The following RFTN2 variants were observed in gnomAD, a reference collection of about 807,000 sequenced individuals.
RFTN2 encodes the protein raftlin-2.
RFTN2 carries 34 observed loss-of-function variants against 52.7 expected under a neutral mutation model. That is an observed-to-expected ratio of 0.64 (90% CI 0.49 to 0.86). RFTN2 has a LOEUF of 0.86. Ranked by LOEUF, RFTN2 falls within the 40% of genes least tolerant of loss-of-function variation. The pLI is 0.00. For missense variants in RFTN2, 536 were observed against 600.1 expected (o/e 0.89, Z 1.12); for synonymous variants, 203 against 217.7 (o/e 0.93, Z 0.59).
intron 7 of RFTN2, 120 bp downstream of exon 7, chr2:197,615,756 C>G: frequency 1.6e-6 from 1 of 608,636 alleles, no homozygotes; most frequent in Non-Finnish European, 2.9e-6. Context: ...AAATCAAATT[C>G]GAAGCTCAGT....
In RFTN2 at chr2:197,659,767, A is replaced by G. The variant is rs374865726; in HGVS notation, c.140-13101T>C. On this transcript the variant is annotated intron_variant, in intron 1 of 8. Transcript: ENST00000295049. ...GGGAGGCAGAGGCTGCAGTGAGCTG[A>G]GATCATGCCATTGCACTCCAGCCTG... Among the ~76,000 whole-genome samples, 85 of 151,526 alleles carry G rather than the reference A, an allele frequency of 5.6e-4. 6 individuals are homozygous for G. In the East Asian group the frequency reaches 5.8e-3, roughly 10 times the overall value.
chr2:197,619,742 A>C (rs2106216718), intron 5 of RFTN2, among the ~76,000 whole-genome samples: 1 of 137,250 alleles, frequency 7.3e-6, no homozygotes, highest in Middle Eastern at 3.9e-3. Context: ...TGATCAATTA[A>C]AAAAAAAAAA....
At chr2:197,621,429 G>T (rs1332587095) in intron 5 of RFTN2, among the ~76,000 whole-genome samples, 1 of 133,736 alleles carries the variant, frequency 7.5e-6, no homozygotes, top group Non-Finnish European at 1.6e-5. Context: ...CAAATTGAAG[G>T]TTTGTGGCAA....
intron 1 of RFTN2, among the ~76,000 whole-genome samples, chr2:197,663,912 AC>A (rs1160629455): frequency 1.3e-5 from 2 of 151,894 alleles, no homozygotes; most frequent in South Asian, 2.1e-4. Flanking sequence ...AAATCTTTCT[AC>A]TTTTTGATGT....
At chr2:197,638,299 A>T (rs1389552914) in intron 3 of RFTN2, among the ~76,000 whole-genome samples, 1 of 99,914 alleles carries the variant, frequency 1.0e-5, no homozygotes, top group African/African-American at 3.3e-5. Flanking sequence ...ATCCTTGTTG[A>T]CTTTCTGTCT....
intron 8 of RFTN2, among the ~76,000 whole-genome samples, chr2:197,586,130 C>T (rs1202678264): frequency 1.3e-5 from 2 of 152,208 alleles, no homozygotes; most frequent in African/African-American, 2.4e-5. Context: ...GTAATTATTG[C>T]TTACGAAGGC....
intron 7 of RFTN2, among the ~76,000 whole-genome samples, chr2:197,609,758 A>C (rs925356038): frequency 2.6e-5 from 4 of 152,192 alleles, no homozygotes; most frequent in Admixed American, 1.3e-4. Flanking sequence ...TAGGTGTTAC[A>C]TGTAAGTCTT....
chr2:197,673,076 C>T (rs1210142597), intron 1 of RFTN2, among the ~76,000 whole-genome samples: 1 of 152,052 alleles, frequency 6.6e-6, no homozygotes, highest in Non-Finnish European at 1.5e-5. Context: ...TGTGCCATGG[C>T]CTCTATTTGG....
At chr2:197,612,993 A>C (rs2088088350) in intron 7 of RFTN2, among the ~76,000 whole-genome samples, 1 of 152,238 alleles carries the variant, frequency 6.6e-6, no homozygotes, top group Admixed American at 6.5e-5. Context: ...GTGGGCCGCA[A>C]AAAGAAGATG....
At chr2:197,581,041 C>G (rs1048729685) in intron 8 of RFTN2, among the ~76,000 whole-genome samples, 4 of 152,118 alleles carry the variant, frequency 2.6e-5, no homozygotes, top group African/African-American at 9.7e-5. Flanking sequence ...CCCTGGCAAC[C>G]AATCACACAC....
At chr2:197,636,090 G>T (rs1188067207) in intron 3 of RFTN2, among the ~76,000 whole-genome samples, 6 of 151,592 alleles carry the variant, frequency 4.0e-5, no homozygotes, top group Admixed American at 3.3e-4. Context: ...CTGTTCCATT[G>T]ATCTATATCT....
chr2:197,617,575 G>C (rs1454058019), intron 6 of RFTN2, among the ~76,000 whole-genome samples: 1 of 152,014 alleles, frequency 6.6e-6, no homozygotes, highest in Non-Finnish European at 1.5e-5. Context: ...AGCTACCTGG[G>C]AGGCTGAGGT....
chr2:197,647,510 G>A (rs1172339411), intron 1 of RFTN2, among the ~76,000 whole-genome samples: 2 of 152,096 alleles, frequency 1.3e-5, no homozygotes, highest in Admixed American at 1.3e-4. Context: ...GCTCCCAGCC[G>A]AGATGCATAA....
At chr2:197,627,430 G>A (rs140990953) in intron 5 of RFTN2, among the ~76,000 whole-genome samples, 118 of 152,324 alleles carry the variant, frequency 7.7e-4, no homozygotes, top group Admixed American at 1.8e-3. Context: ...TACGGCTAGC[G>A]CCTTGTAAGT....
intron 8 of RFTN2, 95 bp from the exon 9 acceptor site, chr2:197,572,375 T>C: frequency 6.4e-6 from 8 of 1,242,712 alleles, no homozygotes; most frequent in Non-Finnish European, 8.0e-6. Context: ...CCTCCAGGAA[T>C]GTCCTTTTCC....
In RFTN2 at chr2:197,572,112, G is replaced by A. The variant is rs527815128; in HGVS notation, c.1402C>T (p.His468Tyr). The change falls in exon 9 of 9, where the codon CAC becomes TAC. Residue 468 changes from histidine to tyrosine, a missense_variant. Coordinates refer to ENST00000295049, the MANE Select transcript of RFTN2 (RefSeq NM_144629.3). ...CWTKEGRLAQ[H>Y]NSFSGFSSSD... ...CTGCTGAACCCAGAGAAGCTGTTGTGCTGTGCCAGCCTTCCCTCCTTTGTC... is the reference window on the plus strand; with the variant it reads ...CTGCTGAACCCAGAGAAGCTGTTGTACTGTGCCAGCCTTCCCTCCTTTGTC... 5.6e-6 allele frequency: 9 copies of A among 1,614,244 alleles called. No homozygotes were observed. The African/African-American group carries it at 1.1e-4, about 19-fold the overall frequency.
At chr2:197,586,233 C>G (rs1179674700) in intron 8 of RFTN2, among the ~76,000 whole-genome samples, 1 of 152,158 alleles carries the variant, frequency 6.6e-6, no homozygotes, top group Non-Finnish European at 1.5e-5. Flanking sequence ...TATACCCAGC[C>G]CCATAAATAA....
At chr2:197,603,812 A>C (rs2087917146) in intron 7 of RFTN2, among the ~76,000 whole-genome samples, 1 of 152,234 alleles carries the variant, frequency 6.6e-6, no homozygotes, top group Non-Finnish European at 1.5e-5. Context: ...CTGTAATCCC[A>C]GCTACTTGGG....
intron 5 of RFTN2, among the ~76,000 whole-genome samples, chr2:197,618,695 G>C (rs1349840122): frequency 1.3e-5 from 2 of 151,470 alleles, no homozygotes; most frequent in African/African-American, 4.9e-5. Context: ...GTCTCTGCCC[G>C]GCCGCCCATC....
Sources: allele counts gnomAD v4.1 joint callset (sites outside exome capture counted in the v4.1 genomes callset), GRCh38; gene constraint gnomAD v4.1.1; transcripts MANE v1.5; gene names NCBI Gene and HGNC (gene_info 2026-07-23, HGNC 2026-07-21).